The following ANKRD44 variants were observed in gnomAD, a reference collection of about 807,000 sequenced individuals.
ANKRD44 encodes ankyrin repeat domain 44, also known as serine/threonine-protein phosphatase 6 regulatory ankyrin repeat subunit B.
A neutral mutation model predicts 116.0 loss-of-function variants in ANKRD44; 35 were observed. The ratio of observed to expected loss-of-function variants is 0.30; its 90% CI spans 0.23 to 0.40. The LOEUF (loss-of-function observed/expected upper bound fraction) is 0.40. ANKRD44 is among the 10% of genes least tolerant of loss of function. The pLI, the probability that ANKRD44 is intolerant of heterozygous loss-of-function variation, is 1.00. For synonymous variants in ANKRD44, 435 were observed against 461.8 expected (o/e 0.94, Z 0.74); for missense variants, 1,014 against 1,242.6 (o/e 0.82, Z 2.77).
chr2:197,102,343 A>G (rs1218966434), intron 9 of ANKRD44, among the ~76,000 whole-genome samples: 1 of 152,226 alleles, frequency 6.6e-6, no homozygotes, highest in African/African-American at 2.4e-5. Context: ...GAAGGGAGAT[A>G]TCTAGGTCAA....
intron 1 of ANKRD44, among the ~76,000 whole-genome samples, chr2:197,278,357 C>A (rs2083154614): frequency 6.6e-6 from 1 of 151,810 alleles, no homozygotes; most frequent in African/African-American, 2.4e-5. Flanking sequence ...ACAAAACTTA[C>A]TTTTTGTTTG....
chr2:197,217,900 C>G (rs1305918410), intron 1 of ANKRD44, among the ~76,000 whole-genome samples: 1 of 152,090 alleles, frequency 6.6e-6, no homozygotes, highest in Non-Finnish European at 1.5e-5. Context: ...GAGCAATTGG[C>G]CCCCAAGGAA....
chr2:197,153,180 A>T (rs2125456478), intron 2 of ANKRD44, among the ~76,000 whole-genome samples: 1 of 126,922 alleles, frequency 7.9e-6, no homozygotes, highest in Middle Eastern at 5.6e-3. Flanking sequence ...ACACCATTGC[A>T]CTCCACTGCA....
chr2:197,110,935 G>T, intron 8 of ANKRD44, 91 bp from the exon 9 acceptor site: 1 of 859,846 alleles, frequency 1.2e-6, no homozygotes, highest in Non-Finnish European at 2.0e-6. Context: ...TCCTAATAAT[G>T]CCCTGAAAAC....
chr2:197,003,989 A>G (rs1261985702), intron 21 of ANKRD44, among the ~76,000 whole-genome samples: 1 of 152,200 alleles, frequency 6.6e-6, no homozygotes, highest in Non-Finnish European at 1.5e-5. Context: ...TAGAACACAC[A>G]CACACACACA....
intron 1 of ANKRD44, among the ~76,000 whole-genome samples, chr2:197,244,793 G>A (rs962271785): frequency 2.6e-5 from 4 of 152,100 alleles, no homozygotes; most frequent in Non-Finnish European, 4.4e-5. Context: ...ATGTATCTCC[G>A]TGTTCTAGCA....
chr2:197,196,858 C>T lies in ANKRD44; in HGVS notation c.28-9752G>A, dbSNP rs186281358. Reference sequence around the variant, plus strand: ...TGTTCTTTTCTTTGAATTCCACGTGCATTCTTGGAAAGACAGCAAGCAGTT... The same window carrying T: ...TGTTCTTTTCTTTGAATTCCACGTGTATTCTTGGAAAGACAGCAAGCAGTT... On this transcript the variant is annotated intron_variant, in intron 1 of 27. Coordinates refer to ENST00000282272, the MANE Select transcript of ANKRD44 (RefSeq NM_001195144.2). Among the ~76,000 whole-genome samples the T allele has an allele frequency of 7.9e-5, 12 of 152,266 alleles. No homozygotes were observed. In the South Asian group the frequency reaches 8.3e-4, roughly 11 times the overall value.
chr2:197,085,622 G>C (rs553504351), intron 13 of ANKRD44, among the ~76,000 whole-genome samples: 67 of 152,262 alleles, frequency 4.4e-4, no homozygotes, highest in African/African-American at 1.5e-3. Context: ...CCCCATGACA[G>C]TTTACAAATG....
At chr2:197,140,268 T>G (rs968782816) in intron 3 of ANKRD44, among the ~76,000 whole-genome samples, 5 of 152,122 alleles carry the variant, frequency 3.3e-5, no homozygotes, top group Admixed American at 6.5e-5. Context: ...TGTATAAGAT[T>G]GCTTAGTTTC....
At chr2:196,983,178 G>T (rs969239220), downstream of ANKRD44, among the ~76,000 whole-genome samples, 1 of 150,030 alleles carries the variant, frequency 6.7e-6, no homozygotes, top group African/African-American at 2.5e-5. Context: ...ATGTACCCCA[G>T]AACTTAAAAT....
chr2:196,978,822 C>T (rs866921399), intron 21 of ANKRD44, among the ~76,000 whole-genome samples: 5 of 147,130 alleles, frequency 3.4e-5, no homozygotes, highest in African/African-American at 1.0e-4. Context: ...TGATTTTGAA[C>T]CATGGGCCAT....
intron 3 of ANKRD44, among the ~76,000 whole-genome samples, chr2:197,146,785 G>A (rs182371511): frequency 6.6e-6 from 1 of 151,980 alleles, no homozygotes; most frequent in East Asian, 1.9e-4. Context: ...ACAATGCTGG[G>A]CCTGACTAGA....
chr2:196,999,937 G>C (rs948386635), intron 23 of ANKRD44, among the ~76,000 whole-genome samples: 3 of 152,084 alleles, frequency 2.0e-5, no homozygotes, highest in Admixed American at 6.6e-5. Context: ...CTTTGAAACA[G>C]CAAAATATTG....
intron 6 of ANKRD44, among the ~76,000 whole-genome samples, chr2:197,124,647 G>T (rs922494039): frequency 2.0e-5 from 3 of 152,160 alleles, no homozygotes; most frequent in Non-Finnish European, 4.4e-5. Context: ...TGGGCATTCA[G>T]GTTGTTTACA....
At chr2:197,150,646 T>C (rs1389531430) in intron 2 of ANKRD44, among the ~76,000 whole-genome samples, 1 of 152,020 alleles carries the variant, frequency 6.6e-6, no homozygotes, top group African/African-American at 2.4e-5. Context: ...AGGAGGAAAA[T>C]GTGACGAACA....
chr2:197,024,513 G>A (rs1268266472), intron 17 of ANKRD44, among the ~76,000 whole-genome samples: 1 of 152,216 alleles, frequency 6.6e-6, no homozygotes, highest in Non-Finnish European at 1.5e-5. Context: ...ACAGAGTGGT[G>A]GGTGCACTTC....
chr2:197,169,614 A>G (rs911462748), intron 2 of ANKRD44, among the ~76,000 whole-genome samples: 3 of 152,170 alleles, frequency 2.0e-5, no homozygotes, highest in Non-Finnish European at 4.4e-5. Context: ...CCACGGACCA[A>G]TGGTTCTCAA....
At chr2:197,016,946 A>G (rs2076403951) in intron 17 of ANKRD44, among the ~76,000 whole-genome samples, 1 of 152,200 alleles carries the variant, frequency 6.6e-6, no homozygotes, top group Admixed American at 6.5e-5. Context: ...AAAATACGCA[A>G]AAGGCATGAA....
At chr2:197,175,649 T>C (rs928819482) in intron 2 of ANKRD44, among the ~76,000 whole-genome samples, 1 of 152,206 alleles carries the variant, frequency 6.6e-6, no homozygotes, top group African/African-American at 2.4e-5. Flanking sequence ...AGCAATGTGA[T>C]TCCTTCAATG....
Sources: allele counts gnomAD v4.1 joint callset (sites outside exome capture counted in the v4.1 genomes callset), GRCh38; gene constraint gnomAD v4.1.1; transcripts MANE v1.5; gene names NCBI Gene and HGNC (gene_info 2026-07-23, HGNC 2026-07-21).